Variants in OPCML observed in about 807,000 individuals in gnomAD.
OPCML encodes opioid binding protein/cell adhesion molecule like.
OPCML carries 13 observed loss-of-function variants against 37.8 expected under a neutral mutation model. The observed-to-expected ratio is 0.34, with a 90% CI of 0.22 to 0.55. The LOEUF is 0.55. OPCML is among the 20% of genes least tolerant of loss of function. The probability of loss-of-function intolerance (pLI) is 0.91; values close to 1 mark genes in which losing one functional copy is unlikely to be tolerated. For missense variants in OPCML, 341 were observed against 435.6 expected (o/e 0.78, Z 1.93); for synonymous variants, 176 against 168.8 (o/e 1.04, Z -0.33).
At chr11:132,957,380 G>C (rs1945995690) in intron 1 of OPCML, among the ~76,000 whole-genome samples, 1 of 152,156 alleles carries the variant, frequency 6.6e-6, no homozygotes, top group Non-Finnish European at 1.5e-5. Flanking sequence ...AAGCAGGATG[G>C]GGTCTGACTG....
intron 2 of OPCML, among the ~76,000 whole-genome samples, chr11:132,698,596 C>T (rs1403499209): frequency 6.6e-6 from 1 of 152,156 alleles, no homozygotes; most frequent in African/African-American, 2.4e-5. Context: ...TCTCTTCACT[C>T]TGTTGATTAT....
chr11:133,138,018 C>A (rs1402800106), intron 1 of OPCML, among the ~76,000 whole-genome samples: 1 of 152,078 alleles, frequency 6.6e-6, no homozygotes, highest in Non-Finnish European at 1.5e-5. Context: ...AAATTTGATT[C>A]CCAATGTGGC....
chr11:133,395,044 T>C (rs1026178778), intron 1 of OPCML, among the ~76,000 whole-genome samples: 3 of 152,210 alleles, frequency 2.0e-5, no homozygotes, highest in African/African-American at 7.2e-5. Context: ...TGTTATTGCC[T>C]GACTATTGTG....
intron 1 of OPCML, among the ~76,000 whole-genome samples, chr11:133,013,529 C>A (rs1393769261): frequency 5.3e-5 from 8 of 152,168 alleles, no homozygotes; most frequent in Admixed American, 5.2e-4. Flanking sequence ...GTCCACTTGA[C>A]AGAAATTAAA....
chr11:132,677,662 C>T (rs550200639), intron 2 of OPCML, among the ~76,000 whole-genome samples: 1 of 152,148 alleles, frequency 6.6e-6, no homozygotes, highest in South Asian at 2.1e-4. Flanking sequence ...TTAAGATAGT[C>T]TTTTCAACAA....
intron 2 of OPCML, among the ~76,000 whole-genome samples, chr11:132,801,429 A>G (rs572040812): frequency 1.5e-4 from 23 of 152,280 alleles, no homozygotes; most frequent in African/African-American, 5.5e-4. Flanking sequence ...GCCTGGAGAG[A>G]ATACAAGGTC....
intron 3 of OPCML, among the ~76,000 whole-genome samples, chr11:132,588,001 C>A (rs898617646): frequency 4.6e-5 from 7 of 152,078 alleles, no homozygotes; most frequent in African/African-American, 1.7e-4. Context: ...CAGGGCCTCC[C>A]CTTGGGGATA....
chr11:132,606,632 G>A (rs1447823414), intron 3 of OPCML, among the ~76,000 whole-genome samples: 3 of 151,728 alleles, frequency 2.0e-5, no homozygotes, highest in African/African-American at 7.3e-5. Flanking sequence ...GCAAGGACCA[G>A]CCTCCAAGCC....
chr11:132,437,301 G>A lies in OPCML; in HGVS notation c.564C>T (p.Asp188=). 2 of 1,614,192 alleles carry A rather than the reference G, an allele frequency of 1.2e-6. No individual in the cohort carries two copies. The highest frequency in any genetic ancestry group is 1.7e-6 in the Non-Finnish European group (2 of 1,180,030). ...EYLEISDIKR[D]QSGEYECSAL... The stretch of plus-strand genomic sequence containing the variant: ...CGCTGCATTCGTACTCCCCGGACTG[G>A]TCTCGCTTGATGTCAGAGATCTCCA... The change falls in exon 5 of 8, where the codon GAC becomes GAT. Residue 188 remains aspartate, a synonymous_variant. Coordinates refer to ENST00000524381, the MANE Select transcript of OPCML (RefSeq NM_001012393.5).
intron 1 of OPCML, among the ~76,000 whole-genome samples, chr11:133,187,290 CT>C (rs1938125620): frequency 6.6e-6 from 1 of 152,056 alleles, no homozygotes; most frequent in African/African-American, 2.4e-5. Context: ...CATCCCACGT[CT>C]TTCCACTTTC....
intron 2 of OPCML, among the ~76,000 whole-genome samples, chr11:132,722,111 A>T (rs1944694625): frequency 6.6e-6 from 1 of 151,684 alleles, no homozygotes; most frequent in Admixed American, 6.6e-5. Flanking sequence ...ACCCACCATC[A>T]TGCCTGGCTA....
rs1281336742 is a variant in OPCML, at chr11:133,532,492, C to T, written c.-168G>A. ...CGCGCGAGAGATGGGAGCAGGCAGG[C>T]AGCGTCTCTGATTTCTTTTCTTGCA... On this transcript the variant is annotated 5_prime_UTR_variant, in exon 1 of 8. Transcript: ENST00000524381. 1.4e-6 allele frequency: 1 copy of T among 731,884 alleles called. No individual in the cohort carries two copies. The highest frequency in any genetic ancestry group is 1.7e-5 in the African/African-American group (1 of 57,586). The allele number at this position is 731,884 out of a possible 1,614,324, so 45.3% of individuals were successfully genotyped here. A position where few individuals can be genotyped will look rare whatever the true frequency, so the allele number is the denominator to read the frequency against.
intron 2 of OPCML, among the ~76,000 whole-genome samples, chr11:132,720,476 T>A (rs1275018167): frequency 6.6e-6 from 1 of 152,248 alleles, no homozygotes; most frequent in Non-Finnish European, 1.5e-5. Context: ...TGGAAGAAGC[T>A]ACTTGCAGTT....
intron 1 of OPCML, among the ~76,000 whole-genome samples, chr11:133,225,813 T>C (rs1037701603): frequency 6.6e-6 from 1 of 152,210 alleles, no homozygotes; most frequent in Non-Finnish European, 1.5e-5. Context: ...TTTCTAGTCT[T>C]AATTAGGAAA....
At chr11:132,654,702 A>G (rs1941614566) in intron 3 of OPCML, among the ~76,000 whole-genome samples, 1 of 150,946 alleles carries the variant, frequency 6.6e-6, no homozygotes, top group Admixed American at 6.6e-5. Flanking sequence ...CATCCCCAAA[A>G]GAAGATCTTC....
At chr11:133,220,063 T>A (rs1939752007) in intron 1 of OPCML, among the ~76,000 whole-genome samples, 1 of 152,178 alleles carries the variant, frequency 6.6e-6, no homozygotes, top group Non-Finnish European at 1.5e-5. Context: ...TATAATATCA[T>A]TCATTCCTTC....
chr11:132,965,685 A>G (rs1460256577), intron 1 of OPCML, among the ~76,000 whole-genome samples: 1 of 152,106 alleles, frequency 6.6e-6, no homozygotes, highest in Admixed American at 6.5e-5. Context: ...TGCAAGGGCC[A>G]CCACGCCCAG....
At chr11:132,918,176 C>T (rs965822823) in intron 2 of OPCML, among the ~76,000 whole-genome samples, 8 of 152,090 alleles carry the variant, frequency 5.3e-5, no homozygotes, top group Admixed American at 2.0e-4. Flanking sequence ...TTAACATTCA[C>T]GTTTTAAACT....
intron 1 of OPCML, among the ~76,000 whole-genome samples, chr11:133,180,161 C>A (rs992554534): frequency 6.6e-6 from 1 of 152,188 alleles, no homozygotes; most frequent in Non-Finnish European, 1.5e-5. Context: ...AGTCCCCTAA[C>A]CTTTACAGCA....
Sources: gnomAD v4.1 joint callset for allele counts (sites outside exome capture counted in the v4.1 genomes callset) on GRCh38, gnomAD v4.1.1 for gene constraint, MANE v1.5 for transcripts, NCBI Gene and HGNC (gene_info 2026-07-23, HGNC 2026-07-21) for gene names.